Variants in RALGPS2 observed in about 807,000 individuals in gnomAD.
The protein encoded by RALGPS2 is ras-specific guanine nucleotide-releasing factor RalGPS2.
RALGPS2 carries 43 observed loss-of-function variants against 86.8 expected under a neutral mutation model. The observed-to-expected ratio is 0.50, with a 90% CI of 0.39 to 0.64. RALGPS2 has a LOEUF of 0.64. Ranked by LOEUF, RALGPS2 falls within the 30% of genes least tolerant of loss-of-function variation. The pLI, the probability that RALGPS2 is intolerant of heterozygous loss-of-function variation, is 0.00. For missense variants in RALGPS2, 536 were observed against 694.6 expected, an observed-to-expected ratio of 0.77 and a Z score of 2.57; for synonymous variants, 243 against 231.3, an observed-to-expected ratio of 1.05 and a Z score of -0.46.
chr1:178,807,707 G>A (rs988436178), intron 4 of RALGPS2, among the ~76,000 whole-genome samples: 5 of 152,104 alleles, frequency 3.3e-5, no homozygotes, highest in African/African-American at 7.2e-5. Flanking sequence ...GGGAGCTCTG[G>A]GTGACTGAAT....
rs952873034 is a variant in RALGPS2 at position 178,802,874 on chromosome 1, C to A, written c.214-5171C>A. On this transcript the variant is annotated intron_variant, in intron 4 of 19. Coordinates refer to ENST00000367635, the MANE Select transcript of RALGPS2 (RefSeq NM_152663.5). ...TTTTATACATTCACGCCATCCCTAG[C>A]TTTTTCTTAATTTTTCGATACTCCA... 2.0e-5 allele frequency among the ~76,000 whole-genome samples: 3 copies of A among 152,018 alleles called. No homozygotes were observed. The East Asian group carries it at 5.8e-4, about 29-fold the overall frequency.
chr1:178,852,991 T>C (rs753237115), intron 8 of RALGPS2: 2 of 1,560,420 alleles, frequency 1.3e-6, no homozygotes, highest in Admixed American at 4.0e-5. Flanking sequence ...CATAAATAAG[T>C]ATAGAGATAG....
Position 178,844,818 on chromosome 1 carries a change from C to A in RALGPS2, c.607+11268C>A, listed in dbSNP as rs146970182. On this transcript the variant is annotated intron_variant, in intron 8 of 19. Coordinates refer to ENST00000367635, the MANE Select transcript of RALGPS2 (RefSeq NM_152663.5). ...AGTTATATGAAACATCATAAATATT[C>A]TTTAATGTGCTTTTTCTAAGCCTCA... Among the ~76,000 whole-genome samples, 1,385 of 152,178 alleles carry A rather than the reference C, an allele frequency of 9.1e-3. 25 individuals carry two copies. Among genetic ancestry groups the A allele is most frequent in the African/African-American group, 0.029 (1,221 of 41,514 alleles).
intron 2 of RALGPS2, among the ~76,000 whole-genome samples, chr1:178,782,813 T>C (rs975508533): frequency 5.3e-5 from 8 of 152,044 alleles, no homozygotes; most frequent in Admixed American, 3.9e-4. Flanking sequence ...TAGAGGAAAT[T>C]GAAGACTCAG....
intron 14 of RALGPS2, among the ~76,000 whole-genome samples, chr1:178,891,957 T>C (rs1659730911): frequency 2.0e-5 from 3 of 152,030 alleles, no homozygotes; most frequent in African/African-American, 7.2e-5. Flanking sequence ...TCTTTAATTC[T>C]TTTAGCAGAT....
intron 8 of RALGPS2, among the ~76,000 whole-genome samples, chr1:178,835,629 G>A (rs765835771): frequency 1.4e-4 from 22 of 152,108 alleles, no homozygotes; most frequent in Non-Finnish European, 2.9e-4. Flanking sequence ...CTGACCTCAA[G>A]TTGTCCGCCC....
intron 1 of RALGPS2, among the ~76,000 whole-genome samples, chr1:178,730,941 GC>G: frequency 6.6e-6 from 1 of 152,094 alleles, no homozygotes; most frequent in African/African-American, 2.4e-5. Flanking sequence ...CAAGTGATTC[GC>G]CCACCTCAGG....
At chr1:178,910,808 A>G (rs906488257) in intron 19 of RALGPS2, among the ~76,000 whole-genome samples, 6 of 151,790 alleles carry the variant, frequency 4.0e-5, no homozygotes, top group Admixed American at 2.6e-4. Flanking sequence ...TTCTTTCTCG[A>G]TTTTTCGGAA....
intron 6 of RALGPS2, among the ~76,000 whole-genome samples, chr1:178,813,961 T>TA (rs1655110655): frequency 6.6e-6 from 1 of 152,148 alleles, no homozygotes; most frequent in Admixed American, 6.5e-5. Context: ...ATCACATAGA[T>TA]ACAAAAGAAT....
intron 4 of RALGPS2, among the ~76,000 whole-genome samples, chr1:178,793,401 CTT>C (rs76555147): frequency 4.8e-4 from 53 of 109,944 alleles, no homozygotes; most frequent in Admixed American, 4.6e-4. Context: ...CCACAGGGGT[CTT>C]TTTTTTTTTT....
rs1558114471 is a variant in RALGPS2, at chr1:178,776,722, C to T, written c.-43C>T. The T allele has an allele frequency of 6.6e-7, 1 of 1,511,480 alleles. No homozygotes were observed. Among genetic ancestry groups the T allele is most frequent in the Admixed American group, 1.8e-5 (1 of 55,478 alleles). The allele number at this position is 1,511,480 out of a possible 1,614,324, so 93.6% of individuals were successfully genotyped here. ...GGCCTTGGACATGAGGCAGTCAGTC[C>T]TCTGTTGCTGTTAACATAAGGTCAG... On this transcript the variant is annotated 5_prime_UTR_variant, in exon 2 of 20. Transcript: ENST00000367635.
chr1:178,815,873 T>C (rs1490844111), intron 6 of RALGPS2, among the ~76,000 whole-genome samples: 3 of 152,256 alleles, frequency 2.0e-5, no homozygotes, highest in African/African-American at 7.2e-5. Flanking sequence ...GGTTGACTAC[T>C]CTTGCTCACC....
intron 6 of RALGPS2, among the ~76,000 whole-genome samples, chr1:178,820,063 G>A (rs1400802940): frequency 6.6e-6 from 1 of 152,184 alleles, no homozygotes; most frequent in East Asian, 1.9e-4. Flanking sequence ...TCCTGCTTAT[G>A]TAATACCTTG....
intron 19 of RALGPS2, among the ~76,000 whole-genome samples, chr1:178,912,225 A>T (rs1660655002): frequency 6.6e-6 from 1 of 152,190 alleles, no homozygotes; most frequent in Non-Finnish European, 1.5e-5. Context: ...TAATCCTGTC[A>T]TCATGTTGTT....
At chr1:178,761,246 G>C (rs1652226055) in intron 1 of RALGPS2, among the ~76,000 whole-genome samples, 1 of 152,050 alleles carries the variant, frequency 6.6e-6, no homozygotes. Context: ...AAAGTGCTGG[G>C]ATTACAAACA....
chr1:178,786,762 G>A (rs1030609937), intron 4 of RALGPS2, among the ~76,000 whole-genome samples: 2 of 151,718 alleles, frequency 1.3e-5, no homozygotes, highest in African/African-American at 4.8e-5. Flanking sequence ...AGTTCTTTCG[G>A]GAACAAAATA....
At chr1:178,771,232 A>G (rs1178433625) in intron 1 of RALGPS2, among the ~76,000 whole-genome samples, 1 of 152,210 alleles carries the variant, frequency 6.6e-6, no homozygotes, top group East Asian at 1.9e-4. Context: ...AATTACCATT[A>G]ATATCTCTTA....
At chr1:178,813,443 C>G (rs1235008069) in intron 6 of RALGPS2, among the ~76,000 whole-genome samples, 1 of 152,210 alleles carries the variant, frequency 6.6e-6, no homozygotes, top group East Asian at 1.9e-4. Context: ...TCATCCCAAG[C>G]TCTAAACTCA....
intron 4 of RALGPS2, among the ~76,000 whole-genome samples, chr1:178,792,671 T>C (rs1281921413): frequency 6.6e-6 from 1 of 152,174 alleles, no homozygotes; most frequent in Non-Finnish European, 1.5e-5. Context: ...ATGTTCCATT[T>C]GTCCATTGGC....
Sources: allele counts gnomAD v4.1 joint callset (sites outside exome capture counted in the v4.1 genomes callset), GRCh38; gene constraint gnomAD v4.1.1; transcripts MANE v1.5; gene names NCBI Gene and HGNC (gene_info 2026-07-23, HGNC 2026-07-21).